The following SRPK2 variants were observed in gnomAD, a reference collection of about 807,000 sequenced individuals.
SRPK2 encodes the protein SRSF protein kinase 2.
In SRPK2, 21 loss-of-function variants were observed where a neutral mutation model predicts 90.8. The ratio of observed to expected loss-of-function variants is 0.23; its 90% CI spans 0.16 to 0.33. The LOEUF (loss-of-function observed/expected upper bound fraction) is 0.33. Among genes scored for constraint, SRPK2 ranks in the 10% least tolerant of loss-of-function variants. The probability of loss-of-function intolerance (pLI) is 1.00; values close to 1 mark genes in which losing one functional copy is unlikely to be tolerated. For synonymous variants in SRPK2, 288 were observed against 311.1 expected, an observed-to-expected ratio of 0.93 and a Z score of 0.78; for missense variants, 620 against 869.0, an observed-to-expected ratio of 0.71 and a Z score of 3.60.
chr7:105,358,313 C>G (rs1374678411), intron 2 of SRPK2, among the ~76,000 whole-genome samples: 1 of 149,898 alleles, frequency 6.7e-6, no homozygotes, highest in African/African-American at 2.5e-5. Flanking sequence ...CAGTAGATAA[C>G]ACACATTTTG....
chr7:105,378,503 G>A (rs894044923), intron 2 of SRPK2, among the ~76,000 whole-genome samples: 3 of 152,026 alleles, frequency 2.0e-5, no homozygotes, highest in Admixed American at 1.3e-4. Flanking sequence ...GGTGGCTCAC[G>A]CCTGTAATCC....
chr7:105,173,776 C>G (rs1410912809), intron 3 of SRPK2, among the ~76,000 whole-genome samples: 2 of 152,162 alleles, frequency 1.3e-5, no homozygotes, highest in Non-Finnish European at 2.9e-5. Context: ...ATGGACCCTG[C>G]TAATAGCATT....
In SRPK2 at chr7:105,364,297, A is replaced by G. The variant is rs976060438; in HGVS notation, c.71+24351T>C. 2.0e-5 allele frequency among the ~76,000 whole-genome samples: 3 copies of G among 152,134 alleles called. No homozygotes were observed. In the South Asian group the frequency reaches 6.2e-4, roughly 31 times the overall value. ...TGATGGTTTTCATTGCTTTTTCTGT[A>G]ACAACAATGGTATCTTCAGTGGTAC... On this transcript the variant is annotated intron_variant, in intron 2 of 15. Coordinates refer to ENST00000393651, the MANE Select transcript of SRPK2 (RefSeq NM_182692.3).
chr7:105,397,081 G>A (rs1223471664), intron 1 of SRPK2, among the ~76,000 whole-genome samples: 2 of 152,008 alleles, frequency 1.3e-5, no homozygotes, highest in Non-Finnish European at 2.9e-5. Flanking sequence ...GCAATGGCGT[G>A]ATCTCAGCTC....
chr7:105,316,463 G>A (rs1249131623), intron 2 of SRPK2, among the ~76,000 whole-genome samples: 1 of 152,076 alleles, frequency 6.6e-6, no homozygotes, highest in Non-Finnish European at 1.5e-5. Flanking sequence ...CACTTCAACA[G>A]CAAACTAGCA....
intron 11 of SRPK2, among the ~76,000 whole-genome samples, chr7:105,139,271 C>T: frequency 6.6e-6 from 1 of 152,114 alleles, no homozygotes; most frequent in East Asian, 1.9e-4. Flanking sequence ...GGAGAGAACA[C>T]AAAGCCAAGA....
chr7:105,233,069 A>G (rs1479983166), intron 2 of SRPK2, among the ~76,000 whole-genome samples: 1 of 146,822 alleles, frequency 6.8e-6, no homozygotes, highest in African/African-American at 2.5e-5. Context: ...GGAGCAAGGA[A>G]GGAAGGAAGG....
At chr7:105,237,912 T>C (rs1800332011) in intron 2 of SRPK2, among the ~76,000 whole-genome samples, 1 of 152,142 alleles carries the variant, frequency 6.6e-6, no homozygotes. Flanking sequence ...AAACAGGCAA[T>C]AAAAGCAGCA....
intron 2 of SRPK2, among the ~76,000 whole-genome samples, chr7:105,333,136 G>A (rs905530946): frequency 1.3e-5 from 2 of 152,174 alleles, no homozygotes; most frequent in African/African-American, 4.8e-5. Context: ...GGAGGTTGCA[G>A]TGAGCCCAGA....
At chr7:105,190,825 A>C (rs947731622) in intron 3 of SRPK2, among the ~76,000 whole-genome samples, 1 of 152,178 alleles carries the variant, frequency 6.6e-6, no homozygotes, top group African/African-American at 2.4e-5. Context: ...CACCTTCTTG[A>C]TATTTCCATC....
At position 105,116,658 on chromosome 7, in the gene SRPK2, A is replaced by C. The variant is rs1345264816; in HGVS notation, c.*1180T>G. The C allele has an allele frequency of 6.6e-6, 1 of 152,662 alleles. No individual in the cohort carries two copies. The highest frequency in any genetic ancestry group is 6.5e-5 in the Admixed American group (1 of 15,286). 9.5% of individuals were successfully genotyped at this position (152,662 alleles called of 1,614,324 possible). A position where few individuals can be genotyped will look rare whatever the true frequency, so the allele number is the denominator to read the frequency against. ...CTATGGTTTGTATCCTGGAGTCTACAATTAATTTTAAGGAAATGCATAAAC... is the reference window on the plus strand; with the variant it reads ...CTATGGTTTGTATCCTGGAGTCTACCATTAATTTTAAGGAAATGCATAAAC... On this transcript the variant is annotated 3_prime_UTR_variant, in exon 16 of 16. Transcript: ENST00000393651.
intron 2 of SRPK2, among the ~76,000 whole-genome samples, chr7:105,252,832 C>G (rs867183294): frequency 2.6e-5 from 4 of 151,244 alleles, no homozygotes; most frequent in South Asian, 4.2e-4. Flanking sequence ...AACCTCCTGT[C>G]TCCCAGGTTC....
intron 3 of SRPK2, among the ~76,000 whole-genome samples, chr7:105,197,829 C>T (rs529815565): frequency 5.3e-5 from 8 of 152,136 alleles, no homozygotes; most frequent in South Asian, 2.1e-4. Context: ...GTTGATGTCT[C>T]CAGAAATAAT....
At chr7:105,138,077 T>C (rs1803147222) in intron 11 of SRPK2, among the ~76,000 whole-genome samples, 1 of 152,222 alleles carries the variant, frequency 6.6e-6, no homozygotes. Context: ...AGTTTCTACC[T>C]GATGCAACAG....
chr7:105,215,791 T>C (rs963934300), intron 2 of SRPK2, among the ~76,000 whole-genome samples: 6 of 152,096 alleles, frequency 3.9e-5, no homozygotes, highest in Non-Finnish European at 8.8e-5. Flanking sequence ...GACAAATCTA[T>C]AGAAACAGAA....
At position 105,146,587 on chromosome 7, in the gene SRPK2, G is replaced by T. The variant is rs1477186767; in HGVS notation, c.693C>A (p.Ile231=). 1 of 1,614,134 alleles carries T rather than the reference G, an allele frequency of 6.2e-7. No individual in the cohort carries two copies. The highest frequency in any genetic ancestry group is 8.5e-7 in the Non-Finnish European group (1 of 1,180,022). The stretch of plus-strand genomic sequence containing the variant: ...CATATGCATCATCCACACACATCAA[G>T]ATATTTTCCGGCTTTATGTCAGTAT... ...IIHTDIKPEN[I]LMCVDDAYVR... Residue 231 remains isoleucine (I), a synonymous_variant, in exon 8 of 16, where the codon ATC becomes ATA. Transcript: ENST00000393651.
At chr7:105,250,490 CTG>C (rs1802338420) in intron 2 of SRPK2, among the ~76,000 whole-genome samples, 1 of 152,276 alleles carries the variant, frequency 6.6e-6, no homozygotes, top group African/African-American at 2.4e-5. Context: ...TCATCAGTCA[CTG>C]TAATTTCACA....
intron 1 of SRPK2, among the ~76,000 whole-genome samples, chr7:105,395,166 C>A (rs1353331604): frequency 6.6e-6 from 1 of 151,774 alleles, no homozygotes; most frequent in Admixed American, 6.6e-5. Flanking sequence ...GAGTGAGACT[C>A]CATCTCAAAA....
At chr7:105,227,052 GAA>G (rs1458127131) in intron 2 of SRPK2, among the ~76,000 whole-genome samples, 1 of 152,086 alleles carries the variant, frequency 6.6e-6, no homozygotes, top group Non-Finnish European at 1.5e-5. Context: ...CAGATTACTG[GAA>G]ACATTTTAGC....
Sources: allele counts gnomAD v4.1 joint callset (sites outside exome capture counted in the v4.1 genomes callset), GRCh38; gene constraint gnomAD v4.1.1; transcripts MANE v1.5; gene names NCBI Gene and HGNC (gene_info 2026-07-23, HGNC 2026-07-21).